The following STXBP6 variants were observed in gnomAD, a reference collection of about 807,000 sequenced individuals.
STXBP6 encodes the protein syntaxin-binding protein 6.
In STXBP6, 21 loss-of-function variants were observed where a neutral mutation model predicts 26.9. The observed-to-expected ratio is 0.78, with a 90% CI of 0.55 to 1.12. The LOEUF is 1.12. Ranked by LOEUF, STXBP6 falls within the 50% of genes most tolerant of loss-of-function variation. STXBP6 has a pLI of 0.00. For synonymous variants in STXBP6, 97 were observed against 92.6 expected (o/e 1.05, Z -0.27); for missense variants, 232 against 257.9 (o/e 0.90, Z 0.69).
chr14:24,910,918 CGGT>C (rs1227124856), intron 2 of STXBP6, among the ~76,000 whole-genome samples: 1 of 152,004 alleles, frequency 6.6e-6, no homozygotes, highest in Non-Finnish European at 1.5e-5. Context: ...AAGAATGGAA[CGGT>C]GGTGGTATGG....
At chr14:24,839,906 A>G (rs2068737796) in intron 4 of STXBP6, among the ~76,000 whole-genome samples, 2 of 152,230 alleles carry the variant, frequency 1.3e-5, no homozygotes, top group Admixed American at 1.3e-4. Context: ...GAAAGAGGAC[A>G]AAGAAGGCAA....
chr14:24,957,378 G>C (rs1013174411), intron 2 of STXBP6, among the ~76,000 whole-genome samples: 1 of 152,184 alleles, frequency 6.6e-6, no homozygotes, highest in African/African-American at 2.4e-5. Context: ...AATCAAGCTA[G>C]TGGCAAAACT....
intron 4 of STXBP6, among the ~76,000 whole-genome samples, chr14:24,850,312 C>A (rs2069105261): frequency 6.6e-6 from 1 of 151,998 alleles, no homozygotes; most frequent in African/African-American, 2.4e-5. Context: ...TGAGGGCCAG[C>A]CTGGTGTGAA....
At chr14:24,977,637 T>C (rs1357930279) in intron 1 of STXBP6, among the ~76,000 whole-genome samples, 1 of 152,194 alleles carries the variant, frequency 6.6e-6, no homozygotes, top group Non-Finnish European at 1.5e-5. Context: ...TGAAACAATA[T>C]ATGCAGAACA....
chr14:24,910,075 C>T (rs946237836), intron 2 of STXBP6, among the ~76,000 whole-genome samples: 10 of 151,934 alleles, frequency 6.6e-5, no homozygotes, highest in Admixed American at 6.6e-5. Flanking sequence ...CCCAGGTCAC[C>T]GCACCCATCC....
chr14:24,894,067 T>C (rs1308166587), intron 2 of STXBP6, among the ~76,000 whole-genome samples: 1 of 152,190 alleles, frequency 6.6e-6, no homozygotes, highest in Non-Finnish European at 1.5e-5. Flanking sequence ...GATTAAGTCA[T>C]GTTAGGGAAT....
chr14:24,948,818 A>T (rs2073074711), intron 2 of STXBP6, among the ~76,000 whole-genome samples: 1 of 152,204 alleles, frequency 6.6e-6, no homozygotes, highest in Non-Finnish European at 1.5e-5. Context: ...ACACATAACA[A>T]TAAAGACACA....
At chr14:24,853,681 A>C (rs1306505282) in intron 4 of STXBP6, among the ~76,000 whole-genome samples, 2 of 152,104 alleles carry the variant, frequency 1.3e-5, no homozygotes, top group East Asian at 3.9e-4. Flanking sequence ...ACACAGGGCA[A>C]AGGCAATTCT....
chr14:24,901,508 T>TA (rs2071212150), intron 2 of STXBP6, among the ~76,000 whole-genome samples: 1 of 152,222 alleles, frequency 6.6e-6, no homozygotes, highest in South Asian at 2.1e-4. Context: ...GCAGCAATTC[T>TA]ACTCTGATCT....
chr14:24,942,080 A>G (rs779193688), intron 2 of STXBP6, among the ~76,000 whole-genome samples: 4 of 152,264 alleles, frequency 2.6e-5, no homozygotes, highest in African/African-American at 4.8e-5. Context: ...GCTGTTGGGG[A>G]CACAGTCAAC....
intron 4 of STXBP6, among the ~76,000 whole-genome samples, chr14:24,842,683 A>T (rs1186891652): frequency 6.6e-6 from 1 of 152,140 alleles, no homozygotes; most frequent in Non-Finnish European, 1.5e-5. Context: ...TAACCAGCAA[A>T]CAAAGGAAAA....
chr14:24,928,510 T>C (rs1441275115), intron 2 of STXBP6, among the ~76,000 whole-genome samples: 1 of 152,208 alleles, frequency 6.6e-6, no homozygotes, highest in Non-Finnish European at 1.5e-5. Context: ...TACTAGCTTA[T>C]TAGTCTATTA....
intron 1 of STXBP6, among the ~76,000 whole-genome samples, chr14:24,998,909 A>T (rs539695050): frequency 1.3e-5 from 2 of 152,338 alleles, no homozygotes; most frequent in African/African-American, 4.8e-5. Context: ...TGACAAAAAT[A>T]CTATTCTTAT....
At chr14:24,966,601 T>C (rs922958041) in intron 2 of STXBP6, among the ~76,000 whole-genome samples, 1 of 152,244 alleles carries the variant, frequency 6.6e-6, no homozygotes, top group Non-Finnish European at 1.5e-5. Context: ...CTTATCTATT[T>C]TTGAACTTTC....
chr14:24,984,591 C>A (rs998737422), intron 1 of STXBP6, among the ~76,000 whole-genome samples: 1 of 152,158 alleles, frequency 6.6e-6, no homozygotes, highest in Non-Finnish European at 1.5e-5. Flanking sequence ...CTTATCTGAT[C>A]TCCCCAAGGG....
chr14:24,856,843 T>C (rs554569352), intron 3 of STXBP6, among the ~76,000 whole-genome samples, 184 bp downstream of exon 3: 1 of 152,028 alleles, frequency 6.6e-6, no homozygotes, highest in African/African-American at 2.4e-5. Flanking sequence ...CTATTAAACA[T>C]GATGAAAAGA....
At chr14:24,838,263 G>A (rs1014832047) in intron 4 of STXBP6, among the ~76,000 whole-genome samples, 11 of 152,066 alleles carry the variant, frequency 7.2e-5, no homozygotes, top group African/African-American at 2.7e-4. Flanking sequence ...TACCCAACTC[G>A]GCCTCCCAAA....
intron 2 of STXBP6, among the ~76,000 whole-genome samples, chr14:24,877,435 T>C (rs2070186349): frequency 6.6e-6 from 1 of 152,204 alleles, no homozygotes; most frequent in Admixed American, 6.5e-5. Context: ...TTAGATAATT[T>C]CTTTACATGG....
chr14:24,849,955 T>C (rs854314), intron 4 of STXBP6, among the ~76,000 whole-genome samples: 97,198 of 151,966 alleles, frequency 0.64, 31,682 homozygotes, highest in East Asian at 0.86. Flanking sequence ...GGTTGCAGCA[T>C]GTGTAGGAGT....
Sources: gnomAD v4.1 joint callset for allele counts (sites outside exome capture counted in the v4.1 genomes callset) on GRCh38, gnomAD v4.1.1 for gene constraint, MANE v1.5 for transcripts, NCBI Gene and HGNC (gene_info 2026-07-23, HGNC 2026-07-21) for gene names.